The following CFAP92 variants were observed in gnomAD, a reference collection of about 807,000 sequenced individuals.
The protein encoded by CFAP92 is uncharacterized protein CFAP92.
Under a neutral mutation model 106.3 loss-of-function variants are expected in CFAP92, and 86 were observed. That is an observed-to-expected ratio of 0.81 (90% confidence interval 0.68 to 0.97). CFAP92 has a LOEUF of 0.97. CFAP92 is among the 50% of genes least tolerant of loss of function. The pLI is 0.00. For synonymous variants in CFAP92, 477 were observed against 506.4 expected (o/e 0.94, Z 0.78); for missense variants, 1,204 against 1,283.8 (o/e 0.94, Z 0.95).
At chr3:128,930,960 G>C (rs1223816913) in intron 12 of CFAP92, among the ~76,000 whole-genome samples, 1 of 152,020 alleles carries the variant, frequency 6.6e-6, no homozygotes, top group African/African-American at 2.4e-5. Context: ...GTGCTGGAAT[G>C]CAGTGGCGCG....
At position 128,988,873 on chromosome 3, in the gene CFAP92, T is replaced by G; in HGVS notation, c.308A>C (p.His103Pro). ...TGTAACAGAACTGTCTGTTTTAGGGTGTTTCTTATATTTTTCAATCAAACT... is the reference window on the plus strand; with the variant it reads ...TGTAACAGAACTGTCTGTTTTAGGGGGTTTCTTATATTTTTCAATCAAACT... ...YASLIEKYKK[H>P]PKTDSSVTKM... Residue 103 changes from histidine to proline, a missense_variant, in exon 3 of 16, where the codon CAC (histidine) becomes CCC (proline). Transcript: ENST00000645291. 6.2e-7 allele frequency: 1 copy of G among 1,613,452 alleles called. No homozygotes were observed. The highest frequency in any genetic ancestry group is 8.5e-7 in the Non-Finnish European group (1 of 1,179,612).
At position 128,910,135 on chromosome 3, in the gene CFAP92, AACCACG is replaced by A. The variant is rs1448236232; in HGVS notation, c.*158_*163del. The A allele has an allele frequency of 1.9e-6, 3 of 1,613,930 alleles. No individual in the cohort carries two copies. Among genetic ancestry groups the A allele is most frequent in the Non-Finnish European group, 2.5e-6 (3 of 1,180,040 alleles). On this transcript the variant is annotated 3_prime_UTR_variant, in exon 16 of 16. Transcript: ENST00000645291. Reference sequence around the variant, plus strand: ...CCGCTCCATCCGCATTGGGCTCCGCAACCACGACCACGAGGTGAGCCCAGCCCAGCC... The same window carrying A: ...CCGCTCCATCCGCATTGGGCTCCGCAACCACGAGGTGAGCCCAGCCCAGCC...
chr3:128,962,398 C>T (rs1047564398), intron 9 of CFAP92, among the ~76,000 whole-genome samples: 13 of 152,166 alleles, frequency 8.5e-5, no homozygotes, highest in African/African-American at 3.1e-4. Context: ...CTGGTGCCAA[C>T]TTAGACAATA....
intron 9 of CFAP92, among the ~76,000 whole-genome samples, chr3:128,952,138 T>TC (rs974530253): frequency 8.2e-5 from 12 of 145,540 alleles, no homozygotes; most frequent in Admixed American, 4.3e-4. Context: ...TTCTTCTTCT[T>TC]TTTTTTTTTT....
Position 128,915,219 on chromosome 3 carries a change from G to T in CFAP92, c.3180C>A (p.Asp1060Glu). The change falls in exon 15 of 16, where the codon GAC (aspartate) becomes GAA (glutamate). Residue 1060 changes from aspartate to glutamate, a missense_variant. Coordinates refer to ENST00000645291, the MANE Select transcript of CFAP92 (RefSeq NM_001394090.1). ...ANVLEPVLDR[D>E]RWSWDRHHVD... Reference sequence around the variant, plus strand: ...CGTGGTGCCTGTCCCAGCTCCACCTGTCTCGATCCAACACAGGCTCCAGTA... The same window carrying T: ...CGTGGTGCCTGTCCCAGCTCCACCTTTCTCGATCCAACACAGGCTCCAGTA... 6.5e-7 allele frequency: 1 copy of T among 1,536,160 alleles called. No homozygotes were observed. Among genetic ancestry groups the T allele is most frequent in the Non-Finnish European group, 8.7e-7 (1 of 1,146,924 alleles).
At chr3:128,974,992 C>T (rs1303033351) in intron 7 of CFAP92, among the ~76,000 whole-genome samples, 15 of 151,716 alleles carry the variant, frequency 9.9e-5, no homozygotes, top group African/African-American at 3.2e-4. Context: ...TGGTGGCGGG[C>T]GCCTGTAGTC....
intron 8 of CFAP92, chr3:128,970,860 T>C (rs1942737847): frequency 1.1e-5 from 2 of 177,320 alleles, no homozygotes; most frequent in African/African-American, 2.4e-5. Flanking sequence ...GTAAGTGATG[T>C]GTCACACGGG....
At chr3:128,925,136 C>T (rs1362578672) in intron 12 of CFAP92, among the ~76,000 whole-genome samples, 1 of 152,228 alleles carries the variant, frequency 6.6e-6, no homozygotes, top group Non-Finnish European at 1.5e-5. Flanking sequence ...ACCTTTTTGG[C>T]ACCAGGGACT....
chr3:128,982,585 A>G (rs1943600086), intron 4 of CFAP92, among the ~76,000 whole-genome samples: 1 of 152,238 alleles, frequency 6.6e-6, no homozygotes, highest in Non-Finnish European at 1.5e-5. Flanking sequence ...CTAACTGTTC[A>G]GCACAAGAGG....
At chr3:129,000,799 C>G (rs2107840587) in intron 1 of CFAP92, among the ~76,000 whole-genome samples, 1 of 152,292 alleles carries the variant, frequency 6.6e-6, no homozygotes, top group African/African-American at 2.4e-5. Context: ...CCGGGAGACA[C>G]CACTTTCCCG....
chr3:128,911,765 C>G (rs957211961), intron 15 of CFAP92, among the ~76,000 whole-genome samples: 4 of 152,200 alleles, frequency 2.6e-5, no homozygotes, highest in African/African-American at 7.2e-5. Flanking sequence ...TGAAGCTGCC[C>G]GGGGAAGGCT....
In CFAP92 at chr3:128,935,297, T is replaced by C; in HGVS notation, c.2281A>G (p.Lys761Glu). The change falls in exon 11 of 16, where the codon AAA becomes GAA. Residue 761 changes from lysine to glutamate, a missense_variant. Transcript: ENST00000645291. ...TGTGAGTTGTACAGCACCTTGTATT[T>C]CCTGTGTTCTGACCTGGGAATCCTG... ...QSWIPRSEHR[K>E]YKVLYNSQLL... 1.3e-6 allele frequency: 2 copies of C among 1,524,836 alleles called. No homozygotes were observed. The highest frequency in any genetic ancestry group is 1.8e-6 in the Non-Finnish European group (2 of 1,139,398). 94.5% of individuals were successfully genotyped at this position (1,524,836 alleles called of 1,614,324 possible). A position where few individuals can be genotyped will look rare whatever the true frequency, so the allele number is the denominator to read the frequency against.
At chr3:128,983,708 C>T (rs960398136) in intron 4 of CFAP92, among the ~76,000 whole-genome samples, 1 of 152,176 alleles carries the variant, frequency 6.6e-6, no homozygotes, top group Non-Finnish European at 1.5e-5. Flanking sequence ...AGGCTGGGAG[C>T]CGTGGAAGAA....
intron 5 of CFAP92, 83 bp downstream of exon 5, chr3:128,977,962 T>A: frequency 6.4e-7 from 1 of 1,559,206 alleles, no homozygotes; most frequent in Non-Finnish European, 8.8e-7. Flanking sequence ...CCCATGCAGA[T>A]GCATTGCTCC....
intron 2 of CFAP92, 67 bp from the exon 3 acceptor site, chr3:128,988,985 T>C (rs1294858815): frequency 4.1e-6 from 5 of 1,222,308 alleles, no homozygotes; most frequent in African/African-American, 3.0e-5. Flanking sequence ...GTCTCCCCAG[T>C]TCCCTGGAGC....
chr3:128,911,052 T>C (rs1276971628), intron 15 of CFAP92, among the ~76,000 whole-genome samples: 2 of 152,204 alleles, frequency 1.3e-5, no homozygotes, highest in Admixed American at 6.5e-5. Context: ...TGTGTGTATG[T>C]ATGTATGTAT....
chr3:128,978,342 T>A, intron 4 of CFAP92, 157 bp from the exon 5 acceptor site: 1 of 680,726 alleles, frequency 1.5e-6, no homozygotes, highest in Non-Finnish European at 2.4e-6. Context: ...ATCTTCCCAG[T>A]GCATATAAAT....
chr3:128,935,379 G>T, intron 10 of CFAP92, 60 bp from the exon 11 acceptor site: 1 of 1,205,804 alleles, frequency 8.3e-7, no homozygotes, highest in Non-Finnish European at 1.1e-6. Flanking sequence ...ACACCGTGGT[G>T]AGGGTGCGCT....
At chr3:128,912,486 A>G (rs1039938318) in intron 15 of CFAP92, 13 of 1,604,602 alleles carry the variant, frequency 8.1e-6, no homozygotes, top group African/African-American at 1.3e-5. Flanking sequence ...ATCACCCACC[A>G]TCTCTCCTTT....
Sources: gnomAD v4.1 joint callset for allele counts (sites outside exome capture counted in the v4.1 genomes callset) on GRCh38, gnomAD v4.1.1 for gene constraint, MANE v1.5 for transcripts, NCBI Gene and HGNC (gene_info 2026-07-23, HGNC 2026-07-21) for gene names.